The following GABRG2 variants were observed in gnomAD, a reference collection of about 807,000 sequenced individuals.
The protein encoded by GABRG2 is gamma-aminobutyric acid type A receptor subunit gamma2.
Under a neutral mutation model 56.4 loss-of-function variants are expected in GABRG2, and 16 were observed. The observed-to-expected ratio is 0.28, with a 90% CI of 0.19 to 0.43. The LOEUF is 0.43. Ranked by LOEUF, GABRG2 falls within the 20% of genes least tolerant of loss-of-function variation. The probability of loss-of-function intolerance (pLI) is 1.00; values close to 1 mark genes in which losing one functional copy is unlikely to be tolerated. For synonymous variants in GABRG2, 208 were observed against 205.5 expected, an observed-to-expected ratio of 1.01 and a Z score of -0.10; for missense variants, 327 against 582.7, an observed-to-expected ratio of 0.56 and a Z score of 4.52.
intron 8 of GABRG2, chr5:162,149,935 T>C (rs1005840106): frequency 1.4e-5 from 3 of 213,282 alleles, no homozygotes; most frequent in Admixed American, 5.2e-5. Flanking sequence ...ATTAAATCAC[T>C]GATATTTTAA....
At chr5:162,143,400 A>G (rs952828672) in intron 7 of GABRG2, among the ~76,000 whole-genome samples, 2 of 152,196 alleles carry the variant, frequency 1.3e-5, no homozygotes, top group Non-Finnish European at 2.9e-5. Flanking sequence ...AATTTGCTCA[A>G]TCTAATATAT....
At position 162,076,984 on chromosome 5, in the gene GABRG2, C is replaced by T. The variant is rs550357574; in HGVS notation, c.107+8878C>T. ...CCCTGCAACTATTTTTAAATAAAGA[C>T]ATAATATAGATTCAATAAATTATTC... is the stretch of plus-strand genomic sequence containing the variant. On this transcript the variant is annotated intron_variant, in intron 1 of 9. Transcript: ENST00000639213. Among the ~76,000 whole-genome samples the T allele has an allele frequency of 3.3e-5, 5 of 151,944 alleles. No individual in the cohort carries two copies. In the East Asian group the frequency reaches 7.7e-4, roughly 23 times the overall value.
intron 1 of GABRG2, among the ~76,000 whole-genome samples, chr5:162,068,939 T>A (rs1758451884): frequency 6.6e-6 from 1 of 152,154 alleles, no homozygotes; most frequent in Non-Finnish European, 1.5e-5. Context: ...AGAGTTGGCC[T>A]TGCTGCAGTG....
intron 1 of GABRG2, among the ~76,000 whole-genome samples, chr5:162,079,872 T>C (rs1267826834): frequency 2.6e-5 from 4 of 152,118 alleles, no homozygotes; most frequent in Admixed American, 2.0e-4. Flanking sequence ...CTCTGTCTCC[T>C]GGGTTCAAGC....
rs201713201 is a variant in GABRG2, at chr5:162,085,532, CT to C, written c.108-8287del. Among the ~76,000 whole-genome samples the C allele has an allele frequency of 3.5e-3, 460 of 131,050 alleles. 3 individuals are homozygous for C. The highest frequency in any genetic ancestry group is 0.012 in the African/African-American group (439 of 35,700). The allele number at this position is 131,050 out of a possible 152,430, so 86.0% of individuals were successfully genotyped here. On this transcript the variant is annotated intron_variant, in intron 1 of 9. Coordinates refer to ENST00000639213, the MANE Select transcript of GABRG2 (RefSeq NM_198904.4). ...GTGTTAACCTTGGCTTGCTTTGTTTCTTTTTTTTTAGTACTTTTTTTTCTTC... is the reference window on the plus strand; with the variant it reads ...GTGTTAACCTTGGCTTGCTTTGTTTCTTTTTTTTAGTACTTTTTTTTCTTC...
At chr5:162,073,990 G>A (rs977959576) in intron 1 of GABRG2, among the ~76,000 whole-genome samples, 2 of 151,610 alleles carry the variant, frequency 1.3e-5, no homozygotes, top group Admixed American at 6.6e-5. Context: ...GTCACCCCCC[G>A]GCTTTTTTTA....
intron 1 of GABRG2, among the ~76,000 whole-genome samples, chr5:162,071,870 G>T (rs189367510): frequency 6.9e-4 from 104 of 151,476 alleles, no homozygotes; most frequent in Non-Finnish European, 1.2e-3. Flanking sequence ...TGAATGGTAG[G>T]GACTCTACCT....
chr5:162,077,898 G>C (rs1581303269), intron 1 of GABRG2, among the ~76,000 whole-genome samples: 1 of 152,086 alleles, frequency 6.6e-6, no homozygotes, highest in South Asian at 2.1e-4. Context: ...GAGAGTTGGA[G>C]AGAGGAGACA....
chr5:162,074,853 A>AGTGT (rs1347685410), intron 1 of GABRG2, among the ~76,000 whole-genome samples: 5 of 152,092 alleles, frequency 3.3e-5, no homozygotes, highest in African/African-American at 1.2e-4. Context: ...TTGTTTAGAG[A>AGTGT]ATGCTAAGAG....
At chr5:162,113,327 T>G (rs1271685921) in intron 6 of GABRG2, among the ~76,000 whole-genome samples, 1 of 152,324 alleles carries the variant, frequency 6.6e-6, no homozygotes, top group African/African-American at 2.4e-5. Flanking sequence ...CATAGATGTC[T>G]AATTTTTCAC....
At chr5:162,068,184 C>T in intron 1 of GABRG2, 78 bp downstream of exon 1, 1 of 944,154 alleles carries the variant, frequency 1.1e-6, no homozygotes, top group Non-Finnish European at 1.7e-6. Context: ...CTCGGGAGAC[C>T]ACCCAGATTT....
chr5:162,122,838 G>T (rs1763065847), intron 6 of GABRG2, among the ~76,000 whole-genome samples: 1 of 151,184 alleles, frequency 6.6e-6, no homozygotes, highest in Non-Finnish European at 1.5e-5. Flanking sequence ...AATAGTCAAA[G>T]ACTTTGTAAA....
chr5:162,134,673 AC>A (rs1421098257), intron 6 of GABRG2, among the ~76,000 whole-genome samples: 1 of 151,902 alleles, frequency 6.6e-6, no homozygotes, highest in African/African-American at 2.4e-5. Flanking sequence ...CCACCCTATC[AC>A]CTTTCTTGAA....
At chr5:162,097,565 A>G in intron 3 of GABRG2, 73 bp from the exon 4 acceptor site, 2 of 1,159,586 alleles carry the variant, frequency 1.7e-6, no homozygotes, top group Admixed American at 1.7e-5. Context: ...GAAAACAGGA[A>G]TGAAATATAC....
intron 1 of GABRG2, among the ~76,000 whole-genome samples, chr5:162,075,486 AT>A (rs1481876613): frequency 6.6e-6 from 1 of 152,046 alleles, no homozygotes; most frequent in Admixed American, 6.6e-5. Flanking sequence ...AGAAAAAAAA[AT>A]GTTATTTATT....
At chr5:162,091,500 A>G (rs1169054125) in intron 1 of GABRG2, among the ~76,000 whole-genome samples, 1 of 152,124 alleles carries the variant, frequency 6.6e-6, no homozygotes, top group Non-Finnish European at 1.5e-5. Context: ...AGGGTTAAAT[A>G]ACTTCCCCAA....
chr5:162,102,390 TTTCTC>T (rs1199648205), intron 5 of GABRG2: 2 of 410,330 alleles, frequency 4.9e-6, no homozygotes, highest in African/African-American at 4.1e-5. Context: ...GAACTGTTGA[TTTCTC>T]TGCCATCAGG....
At chr5:162,077,477 A>G (rs1367484990) in intron 1 of GABRG2, among the ~76,000 whole-genome samples, 5 of 152,144 alleles carry the variant, frequency 3.3e-5, no homozygotes, top group Non-Finnish European at 5.9e-5. Flanking sequence ...TGCTGTAGGC[A>G]TCTGTTATTA....
intron 6 of GABRG2, among the ~76,000 whole-genome samples, chr5:162,132,922 C>G (rs947481776): frequency 5.3e-5 from 8 of 151,878 alleles, no homozygotes; most frequent in Non-Finnish European, 8.8e-5. Context: ...TCTGACAAAA[C>G]CTGTTGGTAT....
Sources: gnomAD v4.1 joint callset for allele counts (sites outside exome capture counted in the v4.1 genomes callset) on GRCh38, gnomAD v4.1.1 for gene constraint, MANE v1.5 for transcripts, NCBI Gene and HGNC (gene_info 2026-07-23, HGNC 2026-07-21) for gene names.